Variants in DNAJC13 observed in about 807,000 individuals in gnomAD.
The protein encoded by DNAJC13 is DnaJ heat shock protein family (Hsp40) member C13.
A neutral mutation model predicts 290.5 loss-of-function variants in DNAJC13; 75 were observed. The ratio of observed to expected loss-of-function variants is 0.26; its 90% CI spans 0.21 to 0.31. The LOEUF (loss-of-function observed/expected upper bound fraction) is 0.31, where lower values mean the gene tolerates loss of function less well. Ranked by LOEUF, DNAJC13 falls within the 10% of genes least tolerant of loss-of-function variation. The probability of loss-of-function intolerance (pLI) is 1.00; values close to 1 mark genes in which losing one functional copy is unlikely to be tolerated. For missense variants in DNAJC13, 2,260 were observed against 2,674.5 expected (o/e 0.85, Z 3.42); for synonymous variants, 862 against 892.0 (o/e 0.97, Z 0.60).
intron 24 of DNAJC13, among the ~76,000 whole-genome samples, chr3:132,478,805 G>A (rs2107693040): frequency 6.6e-6 from 1 of 152,246 alleles, no homozygotes; most frequent in South Asian, 2.1e-4. Context: ...ACATGGTGGA[G>A]GGGACAAATT....
chr3:132,479,111 A>C, intron 24 of DNAJC13, 116 bp from the exon 25 acceptor site: 1 of 576,120 alleles, frequency 1.7e-6, no homozygotes, highest in South Asian at 2.5e-5. Flanking sequence ...TTTCTCCTTA[A>C]TGTTTATAAA....
At chr3:132,443,857 C>T (rs530635717) in intron 2 of DNAJC13, among the ~76,000 whole-genome samples, 1 of 152,276 alleles carries the variant, frequency 6.6e-6, no homozygotes, top group Non-Finnish European at 1.5e-5. Flanking sequence ...ATGCATACAA[C>T]TCCAGGATCC....
chr3:132,441,447 G>A (rs1484830369), intron 2 of DNAJC13, among the ~76,000 whole-genome samples: 2 of 152,186 alleles, frequency 1.3e-5, no homozygotes, highest in East Asian at 3.8e-4. Flanking sequence ...TCTAGAGTGT[G>A]TAACATAAAA....
chr3:132,450,764 G>T lies in DNAJC13; in HGVS notation c.454G>T (p.Asp152Tyr). 1 of 1,609,654 alleles carries T rather than the reference G, an allele frequency of 6.2e-7. No individual in the cohort carries two copies. The highest frequency in any genetic ancestry group is 8.5e-7 in the Non-Finnish European group (1 of 1,176,454). The change falls in exon 6 of 56, where the codon GAC becomes TAC. Residue 152 changes from aspartate (D) to tyrosine (Y), a missense_variant. By Grantham distance (160) the Asp-to-Tyr change is radical (BLOSUM62 -3). Around this residue, in one of 3 missense-constraint regions of DNAJC13, gnomAD observed 762 missense variants for 964.1 expected, o/e 0.79. Coordinates refer to ENST00000260818, the MANE Select transcript of DNAJC13 (RefSeq NM_015268.4). ...AACCAACAGAGTACTCTGTTCCTATGACTATAGAAATATTGAAGGATTTGT... is the reference window on the plus strand; with the variant it reads ...AACCAACAGAGTACTCTGTTCCTATTACTATAGAAATATTGAAGGATTTGT... ...PATNRVLCSY[D>Y]YRNIEGFVDL...
intron 14 of DNAJC13, 116 bp from the exon 15 acceptor site, chr3:132,460,934 A>G: frequency 1.0e-6 from 1 of 987,190 alleles, no homozygotes. Flanking sequence ...TTGAGAAATT[A>G]AAGTCAATGT....
chr3:132,476,486 T>C (rs1182366924), intron 22 of DNAJC13, among the ~76,000 whole-genome samples: 1 of 152,222 alleles, frequency 6.6e-6, no homozygotes, highest in Non-Finnish European at 1.5e-5. Context: ...GAATCTGTTA[T>C]CAACATTGGA....
chr3:132,503,979 T>TAA (rs575646791), intron 41 of DNAJC13, among the ~76,000 whole-genome samples: 15,477 of 144,674 alleles, frequency 0.11, 815 homozygotes, highest in Middle Eastern at 0.14. Context: ...CCTTTAATTA[T>TAA]AAAAAAAAAA....
chr3:132,464,164 A>G (rs573255184), intron 17 of DNAJC13, among the ~76,000 whole-genome samples: 8 of 152,216 alleles, frequency 5.3e-5, no homozygotes, highest in Non-Finnish European at 1.0e-4. Flanking sequence ...TTGCATGCAC[A>G]TGACCCCATG....
rs1219326649 is a variant in DNAJC13 at position 132,482,868 on chromosome 3, GA to G, written c.2980-496del. On this transcript the variant is annotated intron_variant, in intron 27 of 55. Transcript: ENST00000260818. ...ATAGCGAGACCCTATCTCCAAAAAAGAAAAAAAAAAAGCTATCTTAGTACTT... is the reference window on the plus strand; with the variant it reads ...ATAGCGAGACCCTATCTCCAAAAAAGAAAAAAAAAAGCTATCTTAGTACTT... 8.8e-3 allele frequency among the ~76,000 whole-genome samples: 1,191 copies of G among 135,868 alleles called. 10 individuals are homozygous for G. The highest frequency in any genetic ancestry group is 0.028 in the African/African-American group (1,037 of 36,956). 89.1% of individuals were successfully genotyped at this position (135,868 alleles called of 152,430 possible).
At chr3:132,502,248 T>A (rs200254853) in intron 39 of DNAJC13, 41 bp from the exon 40 acceptor site, 93 of 1,228,352 alleles carry the variant, frequency 7.6e-5, no homozygotes, top group Non-Finnish European at 9.3e-5. Context: ...TTTTTTTTTT[T>A]AACTCTGTAA....
chr3:132,527,219 A>G (rs756276820), intron 53 of DNAJC13, among the ~76,000 whole-genome samples: 1 of 152,236 alleles, frequency 6.6e-6, no homozygotes, highest in Non-Finnish European at 1.5e-5. Flanking sequence ...AAAAAATAAT[A>G]AAGTATTTAA....
chr3:132,528,306 A>G lies in DNAJC13; in HGVS notation c.6499A>G (p.Thr2167Ala), dbSNP rs770078268. 6.2e-7 allele frequency: 1 copy of G among 1,614,172 alleles called. No homozygotes were observed. Among genetic ancestry groups the G allele is most frequent in the Non-Finnish European group, 8.5e-7 (1 of 1,180,006 alleles). ...GATTGTTAAAGCTCTCAAGGCAATG[A>G]CTCGAAGTTTGCAGTATGGAGAACA... ...AQIVKALKAM[T>A]RSLQYGEQVN... Residue 2167 changes from threonine (T) to alanine (A), a missense_variant, in exon 54 of 56, where the codon ACT becomes GCT. This residue lies in a region of DNAJC13 where 1,494 missense variants were observed against 1,693.7 expected (regional missense o/e 0.88). Coordinates refer to ENST00000260818, the MANE Select transcript of DNAJC13 (RefSeq NM_015268.4).
intron 1 of DNAJC13, among the ~76,000 whole-genome samples, chr3:132,424,233 A>G (rs1939035475): frequency 6.6e-6 from 1 of 152,172 alleles, no homozygotes. Flanking sequence ...GGGAAGGGTC[A>G]TAGTAATACA....
chr3:132,445,507 A>G (rs1216777828), intron 2 of DNAJC13, among the ~76,000 whole-genome samples: 1 of 152,084 alleles, frequency 6.6e-6, no homozygotes, highest in Non-Finnish European at 1.5e-5. Context: ...TTTCGGCAAC[A>G]ATTTAAGGAG....
chr3:132,523,481 T>A (rs1356371892), intron 50 of DNAJC13, 59 bp from the exon 51 acceptor site: 3 of 1,538,680 alleles, frequency 1.9e-6, no homozygotes, highest in Non-Finnish European at 2.7e-6. Context: ...TAATATGGTG[T>A]GCATTTCTAG....
chr3:132,436,948 G>A (rs953288238), intron 2 of DNAJC13, among the ~76,000 whole-genome samples: 6 of 148,754 alleles, frequency 4.0e-5, no homozygotes, highest in African/African-American at 1.5e-4. Context: ...TGCTGATCTC[G>A]GCTCACTGCA....
At chr3:132,486,881 G>GT (rs1934895524) in intron 29 of DNAJC13, among the ~76,000 whole-genome samples, 1 of 152,084 alleles carries the variant, frequency 6.6e-6, no homozygotes, top group African/African-American at 2.4e-5. Context: ...AATACTCTAG[G>GT]TGTGTGTCTG....
intron 51 of DNAJC13, among the ~76,000 whole-genome samples, chr3:132,524,259 G>A (rs1357067970): frequency 6.6e-6 from 1 of 152,188 alleles, no homozygotes; most frequent in African/African-American, 2.4e-5. Flanking sequence ...ATAAGATTTT[G>A]TTTTTCAAAG....
chr3:132,427,955 G>T (rs1217963575), intron 1 of DNAJC13, among the ~76,000 whole-genome samples: 3 of 152,120 alleles, frequency 2.0e-5, no homozygotes, highest in Non-Finnish European at 4.4e-5. Flanking sequence ...CTTTATCTTG[G>T]TAATAAATAG....
Sources: gnomAD v4.1 joint callset for allele counts (sites outside exome capture counted in the v4.1 genomes callset) on GRCh38, gnomAD v4.1.1 for gene constraint, gnomAD v4.1.1 regional missense constraint, MANE v1.5 for transcripts, NCBI Gene and HGNC (gene_info 2026-07-23, HGNC 2026-07-21) for gene names.